HS3ST2: variants seen among roughly 807,000 people sequenced by gnomAD.
The protein encoded by HS3ST2 is heparan sulfate-glucosamine 3-sulfotransferase 2.
A neutral mutation model predicts 26.3 loss-of-function variants in HS3ST2; 17 were observed. That is an observed-to-expected ratio of 0.65 (90% CI 0.44 to 0.97). The LOEUF (loss-of-function observed/expected upper bound fraction) is 0.97, where lower values mean the gene tolerates loss of function less well. HS3ST2 is among the 50% of genes least tolerant of loss of function. The pLI, the probability that HS3ST2 is intolerant of heterozygous loss-of-function variation, is 0.00. For missense variants in HS3ST2, 402 were observed against 501.2 expected (o/e 0.80, Z 1.89); for synonymous variants, 237 against 219.2 (o/e 1.08, Z -0.72).
intron 1 of HS3ST2, among the ~76,000 whole-genome samples, chr16:22,901,913 A>G (rs567062818): frequency 3.3e-5 from 5 of 152,328 alleles, no homozygotes; most frequent in Non-Finnish European, 5.9e-5. Context: ...TTTAAATGAC[A>G]AAAAATACAT....
At chr16:22,867,830 G>C (rs1403718127) in intron 1 of HS3ST2, among the ~76,000 whole-genome samples, 1 of 151,996 alleles carries the variant, frequency 6.6e-6, no homozygotes, top group Non-Finnish European at 1.5e-5. Context: ...GGAAATAAAG[G>C]GTATATGCCT....
chr16:22,891,897 T>C (rs970968508), intron 1 of HS3ST2, among the ~76,000 whole-genome samples: 2 of 152,036 alleles, frequency 1.3e-5, no homozygotes, highest in Admixed American at 6.5e-5. Context: ...AATTTATAAG[T>C]GCACAGGGAG....
chr16:22,888,531 C>T (rs557428654), intron 1 of HS3ST2, among the ~76,000 whole-genome samples: 21 of 152,024 alleles, frequency 1.4e-4, no homozygotes, highest in Admixed American at 8.5e-4. Context: ...AGATTACAGG[C>T]GTGTGTCACC....
chr16:22,870,415 C>T (rs984395587), intron 1 of HS3ST2, among the ~76,000 whole-genome samples: 2 of 152,176 alleles, frequency 1.3e-5, no homozygotes, highest in African/African-American at 2.4e-5. Context: ...TTCCTCTCTT[C>T]TGTCTGTCCC....
intron 1 of HS3ST2, among the ~76,000 whole-genome samples, chr16:22,877,363 C>A (rs116205326): frequency 6.6e-6 from 1 of 152,136 alleles, no homozygotes. Flanking sequence ...GATTGCTGAC[C>A]GTGGCGTGCT....
intron 1 of HS3ST2, among the ~76,000 whole-genome samples, chr16:22,887,218 C>A (rs921564708): frequency 2.6e-5 from 4 of 152,216 alleles, no homozygotes; most frequent in African/African-American, 9.6e-5. Flanking sequence ...TGACCTTGCT[C>A]CTGCAAATCC....
rs149254564 is a variant in HS3ST2 at position 22,820,172 on chromosome 16, C to G, written c.485+5077C>G. 2.0e-3 allele frequency among the ~76,000 whole-genome samples: 297 copies of G among 152,252 alleles called. 1 individual carries two copies. Among genetic ancestry groups the G allele is most frequent in the African/African-American group, 5.3e-3 (219 of 41,522 alleles). ...AATGAAACCATTGAGTCCATAAACC[C>G]CCCCCCATTTGTCTTGCAGCACTCT... On this transcript the variant is annotated intron_variant, in intron 1 of 1. Coordinates refer to ENST00000261374, the MANE Select transcript of HS3ST2 (RefSeq NM_006043.2).
In HS3ST2 at chr16:22,915,991, C is replaced by T; in HGVS notation, c.*429C>T. The stretch of plus-strand genomic sequence containing the variant: ...AAGTGGCATGTATCTTCCCTCTGAG[C>T]TTCATTTCTTCAAGATGCTCTGGGT... On this transcript the variant is annotated 3_prime_UTR_variant, in exon 2 of 2. Coordinates refer to ENST00000261374, the MANE Select transcript of HS3ST2 (RefSeq NM_006043.2). The T allele has an allele frequency of 5.8e-6, 1 of 171,660 alleles. No homozygotes were observed. The highest frequency in any genetic ancestry group is 5.5e-5 in the Admixed American group (1 of 18,024). 10.6% of individuals were successfully genotyped at this position (171,660 alleles called of 1,614,324 possible).
intron 1 of HS3ST2, among the ~76,000 whole-genome samples, chr16:22,861,262 C>T (rs773631739): frequency 2.0e-5 from 3 of 151,878 alleles, no homozygotes; most frequent in Admixed American, 6.6e-5. Context: ...ACAGCCCAGT[C>T]TGGGGGGTCC....
At chr16:22,861,330 G>A (rs1050889798) in intron 1 of HS3ST2, among the ~76,000 whole-genome samples, 1 of 151,832 alleles carries the variant, frequency 6.6e-6, no homozygotes. Flanking sequence ...CTTGTGGCCT[G>A]GGGGCAGCTG....
intron 1 of HS3ST2, among the ~76,000 whole-genome samples, chr16:22,860,466 C>A (rs1049978174): frequency 2.0e-5 from 3 of 152,146 alleles, no homozygotes; most frequent in Non-Finnish European, 4.4e-5. Context: ...GCATATCACC[C>A]CGCATACACA....
chr16:22,876,694 G>A (rs1901924091), intron 1 of HS3ST2, among the ~76,000 whole-genome samples: 1 of 152,238 alleles, frequency 6.6e-6, no homozygotes, highest in African/African-American at 2.4e-5. Flanking sequence ...GTTGATAGCA[G>A]CACAATTTGC....
chr16:22,814,411 C>T lies in HS3ST2; in HGVS notation c.-200C>T. 4 of 487,690 alleles carry T rather than the reference C, an allele frequency of 8.2e-6. No individual in the cohort carries two copies. Among genetic ancestry groups the T allele is most frequent in the Non-Finnish European group, 1.4e-5 (4 of 284,958 alleles). 30.2% of individuals were successfully genotyped at this position (487,690 alleles called of 1,614,324 possible). ...GCTGGAAATGCAACCGCCTGTTCCC[C>T]GAGGAGCCGCTGCCCCCGGGACCCC... On this transcript the variant is annotated 5_prime_UTR_variant, in exon 1 of 2. The change creates a premature stop within an existing upstream ORF in the 5' untranslated region. Coordinates refer to ENST00000261374, the MANE Select transcript of HS3ST2 (RefSeq NM_006043.2).
chr16:22,858,632 A>G lies in HS3ST2; in HGVS notation c.485+43537A>G, dbSNP rs544598366. On this transcript the variant is annotated intron_variant, in intron 1 of 1. Coordinates refer to ENST00000261374, the MANE Select transcript of HS3ST2 (RefSeq NM_006043.2). Reference sequence around the variant, plus strand: ...AAGTAGTCATTTTTATAAGGATGTGAGAGTAGAAAAAGACAAACTTGCAGC... The same window carrying G: ...AAGTAGTCATTTTTATAAGGATGTGGGAGTAGAAAAAGACAAACTTGCAGC... Among the ~76,000 whole-genome samples, 3 of 152,152 alleles carry G rather than the reference A, an allele frequency of 2.0e-5. No individual in the cohort carries two copies. The East Asian group carries it at 5.8e-4, about 29-fold the overall frequency.
chr16:22,870,456 A>G (rs1356698439), intron 1 of HS3ST2, among the ~76,000 whole-genome samples: 1 of 152,156 alleles, frequency 6.6e-6, no homozygotes, highest in Non-Finnish European at 1.5e-5. Context: ...CTGCTAAAGC[A>G]TAAGTCGAAT....
At chr16:22,858,712 C>T (rs1298064879) in intron 1 of HS3ST2, among the ~76,000 whole-genome samples, 2 of 152,094 alleles carry the variant, frequency 1.3e-5, no homozygotes, top group South Asian at 4.2e-4. Flanking sequence ...AGACACGTCT[C>T]TTGACCTCTC....
chr16:22,850,930 A>G (rs1308342906), intron 1 of HS3ST2, among the ~76,000 whole-genome samples: 2 of 152,222 alleles, frequency 1.3e-5, no homozygotes, highest in Non-Finnish European at 2.9e-5. Context: ...AATGTCAAGC[A>G]TGACTTACCT....
At chr16:22,867,841 A>G (rs1901778238) in intron 1 of HS3ST2, among the ~76,000 whole-genome samples, 1 of 152,216 alleles carries the variant, frequency 6.6e-6, no homozygotes, top group Non-Finnish European at 1.5e-5. Context: ...GTATATGCCT[A>G]TTTAACCTGG....
In HS3ST2 at chr16:22,915,362, C is replaced by T. The variant is rs201328918; in HGVS notation, c.904C>T (p.His302Tyr). Residue 302 changes from histidine (H) to tyrosine (Y), a missense_variant, in exon 2 of 2, where the codon CAC becomes TAC. By Grantham distance (83) the His-to-Tyr change is moderately conservative. This residue lies in a region of HS3ST2 where 237 missense variants were observed against 346.6 expected (regional missense o/e 0.68). Transcript: ENST00000261374. ...CATTAAGAGATTCATCACGGACAAG[C>T]ACTTCTATTTCAACAAGACCAAAGG... ...LGIKRFITDK[H>Y]FYFNKTKGFP... The T allele has an allele frequency of 6.2e-7, 1 of 1,614,046 alleles. No individual in the cohort carries two copies. Among genetic ancestry groups the T allele is most frequent in the African/African-American group, 1.3e-5 (1 of 75,004 alleles).
Sources: allele counts gnomAD v4.1 joint callset (sites outside exome capture counted in the v4.1 genomes callset), GRCh38; gene constraint gnomAD v4.1.1; regional missense constraint gnomAD v4.1.1; transcripts MANE v1.5; gene names NCBI Gene and HGNC (gene_info 2026-07-23, HGNC 2026-07-21).